Variants in CDH6 observed in about 807,000 individuals in gnomAD.
CDH6 encodes cadherin-6.
In CDH6, 31 loss-of-function variants were observed where a neutral mutation model predicts 78.0. The ratio of observed to expected loss-of-function variants is 0.40; its 90% confidence interval spans 0.30 to 0.54. CDH6 has a LOEUF of 0.54. Among genes scored for constraint, CDH6 ranks in the 20% least tolerant of loss-of-function variants. CDH6 has a pLI of 0.56. For missense variants in CDH6, 724 were observed against 975.9 expected, an observed-to-expected ratio of 0.74 and a Z score of 3.44; for synonymous variants, 376 against 368.8, an observed-to-expected ratio of 1.02 and a Z score of -0.23.
At chr5:31,265,484 A>C (rs1012833140) in intron 1 of CDH6, among the ~76,000 whole-genome samples, 5 of 152,326 alleles carry the variant, frequency 3.3e-5, no homozygotes, top group African/African-American at 1.2e-4. Flanking sequence ...TTATCTTTCA[A>C]TAGAAGGCTT....
chr5:31,250,243 C>T (rs1269925667), intron 1 of CDH6: 2 of 152,316 alleles, frequency 1.3e-5, no homozygotes, highest in African/African-American at 2.4e-5. Flanking sequence ...GGAGACCTCA[C>T]ATGACTGTGT....
At chr5:31,320,127 A>G (rs1738440376) in intron 11 of CDH6, among the ~76,000 whole-genome samples, 2 of 152,220 alleles carry the variant, frequency 1.3e-5, no homozygotes, top group Admixed American at 6.5e-5. Context: ...ATAGGGCATC[A>G]CTTTCTAAGA....
chr5:31,295,050 T>C (rs1164974210), intron 3 of CDH6, among the ~76,000 whole-genome samples: 2 of 152,218 alleles, frequency 1.3e-5, no homozygotes, highest in South Asian at 2.1e-4. Flanking sequence ...AATTACATAT[T>C]AACTTTATTA....
At chr5:31,283,905 C>G (rs1432491887) in intron 2 of CDH6, among the ~76,000 whole-genome samples, 1 of 151,978 alleles carries the variant, frequency 6.6e-6, no homozygotes, top group Admixed American at 6.6e-5. Flanking sequence ...ACCTCCGCCT[C>G]CTGGGTTCAA....
At position 31,323,735 on chromosome 5, in the gene CDH6, G is replaced by A. The variant is rs1272206588; in HGVS notation, c.*427G>A. On this transcript the variant is annotated 3_prime_UTR_variant, in exon 12 of 12. Transcript: ENST00000265071. The stretch of plus-strand genomic sequence containing the variant: ...TATCATCATAGTAAAAGAAATGAGG[G>A]CATATCGGCTCACAAAGAGATAAAC... The A allele has an allele frequency of 8.3e-6, 2 of 240,982 alleles. No individual in the cohort carries two copies. Among genetic ancestry groups the A allele is most frequent in the Non-Finnish European group, 1.6e-5 (2 of 121,854 alleles). 14.9% of individuals were successfully genotyped at this position (240,982 alleles called of 1,614,324 possible). A position where few individuals can be genotyped will look rare whatever the true frequency, so the allele number is the denominator to read the frequency against.
chr5:31,196,382 G>A (rs2111759181), intron 1 of CDH6, among the ~76,000 whole-genome samples: 1 of 152,272 alleles, frequency 6.6e-6, no homozygotes, highest in Admixed American at 6.5e-5. Flanking sequence ...TTCTTTAAAA[G>A]GAATGAAATG....
At chr5:31,198,260 ATCTGTT>A (rs1246604120) in intron 1 of CDH6, among the ~76,000 whole-genome samples, 1 of 152,150 alleles carries the variant, frequency 6.6e-6, no homozygotes, top group East Asian at 1.9e-4. Flanking sequence ...AGATTATTTC[ATCTGTT>A]TAATATCTTT....
intron 1 of CDH6, among the ~76,000 whole-genome samples, chr5:31,230,706 A>G (rs996972621): frequency 5.9e-5 from 9 of 152,204 alleles, no homozygotes; most frequent in Non-Finnish European, 8.8e-5. Flanking sequence ...AATAATCTTG[A>G]TTGTGTCCTC....
intron 1 of CDH6, among the ~76,000 whole-genome samples, chr5:31,253,333 CA>C (rs1741963670): frequency 6.6e-6 from 1 of 152,170 alleles, no homozygotes; most frequent in African/African-American, 2.4e-5. Flanking sequence ...GATGGTTTTA[CA>C]AGGGGCTTTT....
chr5:31,213,119 T>A (rs1403201791), intron 1 of CDH6, among the ~76,000 whole-genome samples: 2 of 152,216 alleles, frequency 1.3e-5, no homozygotes, highest in African/African-American at 4.8e-5. Flanking sequence ...TTTGAATGCG[T>A]ACTCTTCAAA....
intron 1 of CDH6, chr5:31,250,280 C>T (rs533619679): frequency 6.6e-6 from 1 of 152,498 alleles, no homozygotes; most frequent in East Asian, 1.9e-4. Context: ...TTGTGCATGG[C>T]CCCTAGCAGT....
rs1474061884 is a variant in CDH6 at position 31,267,621 on chromosome 5, C to T, written c.148C>T (p.Arg50Cys). 4 of 1,614,038 alleles carry T rather than the reference C, an allele frequency of 2.5e-6. No individual in the cohort carries two copies. Among genetic ancestry groups the T allele is most frequent in the South Asian group, 1.1e-5 (1 of 91,076 alleles). Reference sequence around the variant, plus strand: ...TGGAAACAGCAAAAATGAGCTGAACCGTTCAAAAAGGAGCTGGATGTGGAA... The same window carrying T: ...TGGAAACAGCAAAAATGAGCTGAACTGTTCAAAAAGGAGCTGGATGTGGAA... Reference protein sequence around the residue: ...LSGNSKNELNRSKRSWMWNQF... With the variant: ...LSGNSKNELNCSKRSWMWNQF... Residue 50 changes from arginine (R) to cysteine (C), a missense_variant, in exon 2 of 12, where the codon CGT becomes TGT. Coordinates refer to ENST00000265071, the MANE Select transcript of CDH6 (RefSeq NM_004932.4).
At chr5:31,211,260 G>A (rs1740697326) in intron 1 of CDH6, among the ~76,000 whole-genome samples, 1 of 152,034 alleles carries the variant, frequency 6.6e-6, no homozygotes, top group African/African-American at 2.4e-5. Context: ...AGGACATCAG[G>A]CTATGTGAGC....
At chr5:31,244,337 G>C (rs894858565) in intron 1 of CDH6, among the ~76,000 whole-genome samples, 2 of 152,184 alleles carry the variant, frequency 1.3e-5, no homozygotes, top group Non-Finnish European at 2.9e-5. Flanking sequence ...TCTGAGATGA[G>C]ATTACTGAAG....
rs150548752 is a variant in CDH6 at position 31,328,518 on chromosome 5, T to G, written c.*5210T>G. ...GCTTCAAACCCACTGTAATGTTTGG[T>G]TTGAGATTATTTTCATTGCTTTGAG... On this transcript the variant is annotated 3_prime_UTR_variant, in exon 12 of 12. Coordinates refer to ENST00000265071, the MANE Select transcript of CDH6 (RefSeq NM_004932.4). The G allele has an allele frequency of 4.8e-6, 1 of 206,990 alleles. No individual in the cohort carries two copies. Among genetic ancestry groups the G allele is most frequent in the African/African-American group, 2.3e-5 (1 of 43,954 alleles). 12.8% of individuals were successfully genotyped at this position (206,990 alleles called of 1,614,324 possible).
At chr5:31,198,084 A>G (rs888990996) in intron 1 of CDH6, among the ~76,000 whole-genome samples, 1 of 152,152 alleles carries the variant, frequency 6.6e-6, no homozygotes, top group Non-Finnish European at 1.5e-5. Flanking sequence ...AATTACTACT[A>G]AATAGTTGGG....
chr5:31,237,718 A>G (rs1174775437), intron 1 of CDH6, among the ~76,000 whole-genome samples: 2 of 152,190 alleles, frequency 1.3e-5, no homozygotes, highest in South Asian at 2.1e-4. Context: ...CACATCCTCA[A>G]TTCTTTTCAC....
Position 31,317,666 on chromosome 5 carries a change from GT to G in CDH6, c.1631-5del. ...CATACATTCACCACTTTGCTTTCCGGTTCCAGACAACACGGCGGGAATCTTA... is the reference window on the plus strand; with the variant it reads ...CATACATTCACCACTTTGCTTTCCGGTCCAGACAACACGGCGGGAATCTTA... On this transcript the variant is annotated splice_polypyrimidine_tract_variant and splice_region_variant and intron_variant, in intron 10 of 11. Transcript: ENST00000265071. 1 of 1,605,594 alleles carries G rather than the reference GT, an allele frequency of 6.2e-7. No individual in the cohort carries two copies. Among genetic ancestry groups the G allele is most frequent in the Non-Finnish European group, 8.5e-7 (1 of 1,173,690 alleles).
intron 1 of CDH6, among the ~76,000 whole-genome samples, chr5:31,197,816 A>G (rs1740212024): frequency 6.6e-6 from 1 of 152,158 alleles, no homozygotes; most frequent in Non-Finnish European, 1.5e-5. Flanking sequence ...TGAGTGCTTG[A>G]AGCACTTTAC....
Sources: allele counts gnomAD v4.1 joint callset (sites outside exome capture counted in the v4.1 genomes callset), GRCh38; gene constraint gnomAD v4.1.1; transcripts MANE v1.5; gene names NCBI Gene and HGNC (gene_info 2026-07-23, HGNC 2026-07-21).